The following SPTB variants were observed in gnomAD, a reference collection of about 807,000 sequenced individuals.
The protein encoded by SPTB is spectrin beta, erythrocytic.
Under a neutral mutation model 256.2 loss-of-function variants are expected in SPTB, and 45 were observed. That is an observed-to-expected ratio of 0.18 (90% CI 0.14 to 0.23). The LOEUF is 0.23. SPTB is among the 10% of genes least tolerant of loss of function. The pLI, the probability that SPTB is intolerant of heterozygous loss-of-function variation, is 1.00. For synonymous variants in SPTB, 1,231 were observed against 1,243.1 expected (o/e 0.99, Z 0.21); for missense variants, 2,715 against 3,040.4 (o/e 0.89, Z 2.52).
At position 64,772,839 on chromosome 14, in the gene SPTB, G is replaced by A. The variant is rs756366285; in HGVS notation, c.5294C>T (p.Ala1765Val). ...ERLIDAGHSE[A>V]ATIAEWKDGL... ...GTCCTTCCACTCGGCGATGGTGGCC[G>A]CCTCGCTGTGGCCCGCGTCGATGAG... Residue 1765 changes from alanine to valine, a missense_variant, in exon 26 of 36, where the codon GCG becomes GTG. This residue lies in a region of SPTB where 2,239 missense variants were observed against 2,384.4 expected (regional missense o/e 0.94). Coordinates refer to ENST00000644917, the MANE Select transcript of SPTB (RefSeq NM_001355436.2). The surrounding 1 kb of genome is among the most constrained non-coding windows in gnomAD (Gnocchi z 5.4). 1.5e-5 allele frequency: 24 copies of A among 1,613,454 alleles called. No individual in the cohort carries two copies. The highest frequency in any genetic ancestry group is 1.9e-5 in the Non-Finnish European group (23 of 1,179,864).
chr14:64,809,909 ACAT>A (rs2083056814), intron 2 of SPTB, among the ~76,000 whole-genome samples: 2 of 152,214 alleles, frequency 1.3e-5, no homozygotes, highest in South Asian at 4.1e-4. Context: ...AAAAAACTCA[ACAT>A]CATCAAGATA....
intron 2 of SPTB, among the ~76,000 whole-genome samples, chr14:64,813,806 G>A (rs760066662): frequency 6.4e-4 from 97 of 152,348 alleles, no homozygotes; most frequent in Admixed American, 1.3e-3. Context: ...GATTATAGGC[G>A]TGAGCCACCA....
At chr14:64,750,293 T>A (rs929801454) in intron 33 of SPTB, 139 bp from the exon 34 acceptor site, 2 of 881,954 alleles carry the variant, frequency 2.3e-6, no homozygotes, top group African/African-American at 3.4e-5. Context: ...TAAAAAATCA[T>A]CTGCATGTAA....
rs1296660895 is a variant in SPTB at position 64,759,539 on chromosome 14, AC to A, written c.6346-5747del. ...AAGCAGGCCATGGTCTGAGGTGGGG[AC>A]TGCCTTACCCGACAGGAGGCGAGAT... On this transcript the variant is annotated intron_variant, in intron 32 of 35. Coordinates refer to ENST00000644917, the MANE Select transcript of SPTB (RefSeq NM_001355436.2). The surrounding 1 kb of genome is among the most constrained non-coding windows in gnomAD (Gnocchi z 4.8). 1.3e-5 allele frequency among the ~76,000 whole-genome samples: 2 copies of A among 152,180 alleles called. No homozygotes were observed. Among genetic ancestry groups the A allele is most frequent in the Non-Finnish European group, 2.9e-5 (2 of 68,032 alleles).
At position 64,752,988 on chromosome 14, in the gene SPTB, T is replaced by C. The variant is rs777350903; in HGVS notation, c.6602+549A>G. ...GCCTTTGAGTCAGTTCTCGGGGTCA[T>C]AGAGTCACCAGATGACAGCATTAGA... On this transcript the variant is annotated intron_variant, in intron 33 of 35. Transcript: ENST00000644917. Among the ~76,000 whole-genome samples the C allele has an allele frequency of 4.0e-5, 6 of 151,880 alleles. No homozygotes were observed. In the East Asian group the frequency reaches 7.8e-4, roughly 20 times the overall value.
intron 29 of SPTB, 63 bp from the exon 30 acceptor site, chr14:64,767,922 T>A: frequency 6.4e-7 from 1 of 1,571,946 alleles, no homozygotes; most frequent in Non-Finnish European, 8.7e-7. Flanking sequence ...ACCCAATCGT[T>A]CACTCCTGAT....
chr14:64,814,846 T>C (rs1594806234), intron 2 of SPTB, among the ~76,000 whole-genome samples: 1 of 152,248 alleles, frequency 6.6e-6, no homozygotes, highest in East Asian at 1.9e-4. Context: ...TTATATATTA[T>C]TGCAAAAGAA....
At position 64,760,744 on chromosome 14, in the gene SPTB, C is replaced by T. The variant is rs982839300; in HGVS notation, c.6345+5982G>A. Reference sequence around the variant, plus strand: ...CTCTACCTACATTGTCTCTTCCAATCCTCCCAGCCTCTCTGTAAGGCAGGT... The same window carrying T: ...CTCTACCTACATTGTCTCTTCCAATTCTCCCAGCCTCTCTGTAAGGCAGGT... On this transcript the variant is annotated intron_variant, in intron 32 of 35. Transcript: ENST00000644917. This position sits in a 1 kb window ranked among gnomAD's most constrained non-coding sequence, Gnocchi z 4.3. Among the ~76,000 whole-genome samples the T allele has an allele frequency of 6.6e-6, 1 of 152,188 alleles. No homozygotes were observed. Among genetic ancestry groups the T allele is most frequent in the Admixed American group, 6.5e-5 (1 of 15,284 alleles).
At chr14:64,822,565 CCT>C (rs1028525461) in intron 2 of SPTB, among the ~76,000 whole-genome samples, 1 of 151,932 alleles carries the variant, frequency 6.6e-6, no homozygotes. Context: ...TATGGTAATT[CCT>C]CTCTCTAGGC....
At chr14:64,767,608 C>A (rs1190124039) in intron 30 of SPTB, 55 bp downstream of exon 30, 13 of 1,603,872 alleles carry the variant, frequency 8.1e-6, no homozygotes, top group Non-Finnish European at 8.5e-6. Flanking sequence ...TACATGAGAC[C>A]CCTGGGGGCA....
At position 64,746,441 on chromosome 14, in the gene SPTB, GCCT is replaced by G. The variant is rs1199530495; in HGVS notation, c.*2862_*2864del. ...AGGGTTGCATTCCTCTGCAGCCGCC[GCCT>G]CCTCATTTCCTCCCTGAGCTTGTTT... On this transcript the variant is annotated 3_prime_UTR_variant, in exon 36 of 36. Transcript: ENST00000644917. This position sits in a 1 kb window ranked among gnomAD's most constrained non-coding sequence, Gnocchi z 4.9. The G allele has an allele frequency of 1.3e-5, 2 of 152,750 alleles. No individual in the cohort carries two copies. The highest frequency in any genetic ancestry group is 4.8e-5 in the African/African-American group (2 of 41,460). The allele number at this position is 152,750 out of a possible 1,614,324, so 9.5% of individuals were successfully genotyped here. A position where few individuals can be genotyped will look rare whatever the true frequency, so the allele number is the denominator to read the frequency against.
At position 64,845,461 on chromosome 14, in the gene SPTB, G is replaced by C. The variant is rs550787491; in HGVS notation, c.-51-22316C>G. Among the ~76,000 whole-genome samples the C allele has an allele frequency of 9.2e-5, 14 of 152,282 alleles. No homozygotes were observed. Among genetic ancestry groups the C allele is most frequent in the African/African-American group, 3.4e-4 (14 of 41,548 alleles). Reference sequence around the variant, plus strand: ...AGCCCTTTGATGAAAATACCTGCCAGTCTCCTCATCTCCATCAATTAGAAA... The same window carrying C: ...AGCCCTTTGATGAAAATACCTGCCACTCTCCTCATCTCCATCAATTAGAAA... On this transcript the variant is annotated intron_variant, in intron 1 of 35. Coordinates refer to ENST00000644917, the MANE Select transcript of SPTB (RefSeq NM_001355436.2). The surrounding 1 kb of genome is among the most constrained non-coding windows in gnomAD (Gnocchi z 4.8).
Position 64,873,977 on chromosome 14 carries a change from G to T in SPTB, c.-52+5815C>A, listed in dbSNP as rs1882684364. Among the ~76,000 whole-genome samples the T allele has an allele frequency of 6.6e-6, 1 of 152,170 alleles. No homozygotes were observed. The highest frequency in any genetic ancestry group is 1.5e-5 in the Non-Finnish European group (1 of 68,020). ...TATAGTTATCTGTGATCATCATCTT[G>T]TACTGGCTGGGATCTAATTCACTTT... is the stretch of plus-strand genomic sequence containing the variant. On this transcript the variant is annotated intron_variant, in intron 1 of 35. Coordinates refer to ENST00000644917, the MANE Select transcript of SPTB (RefSeq NM_001355436.2). The surrounding 1 kb of genome is among the most constrained non-coding windows in gnomAD (Gnocchi z 4.3).
At chr14:64,770,663 A>G (rs2082266192) in intron 27 of SPTB, among the ~76,000 whole-genome samples, 1 of 152,238 alleles carries the variant, frequency 6.6e-6, no homozygotes, top group African/African-American at 2.4e-5. Context: ...CTCTACACTC[A>G]GGACTCTCCT....
In SPTB at chr14:64,779,718, C is replaced by T; in HGVS notation, c.4473+7G>A. 1 of 1,614,122 alleles carries T rather than the reference C, an allele frequency of 6.2e-7. No individual in the cohort carries two copies. Among genetic ancestry groups the T allele is most frequent in the Middle Eastern group, 1.7e-4 (1 of 6,044 alleles). On this transcript the variant is annotated splice_region_variant and intron_variant, in intron 21 of 35. Coordinates refer to ENST00000644917, the MANE Select transcript of SPTB (RefSeq NM_001355436.2). This position sits in a 1 kb window ranked among gnomAD's most constrained non-coding sequence, Gnocchi z 4.2. ...CAGGAGGTAGGGAGAAGCTGTGGCCCACGCACCGTCTCATCCTCTAAGTCC... is the reference window on the plus strand; with the variant it reads ...CAGGAGGTAGGGAGAAGCTGTGGCCTACGCACCGTCTCATCCTCTAAGTCC...
intron 1 of SPTB, among the ~76,000 whole-genome samples, chr14:64,867,348 T>G (rs1039713459): frequency 6.6e-6 from 1 of 152,152 alleles, no homozygotes; most frequent in African/African-American, 2.4e-5. Flanking sequence ...TGGGCACGAG[T>G]GTCCCCAAGG....
At chr14:64,869,792 T>TC (rs1566812508) in intron 1 of SPTB, among the ~76,000 whole-genome samples, 1 of 148,680 alleles carries the variant, frequency 6.7e-6, no homozygotes, top group African/African-American at 2.5e-5. Context: ...CCTGCTTTTT[T>TC]TTTTTTCTTT....
Position 64,841,365 on chromosome 14 carries a change from G to C in SPTB, c.-51-18220C>G, listed in dbSNP as rs1475101. 1.3e-5 allele frequency among the ~76,000 whole-genome samples: 2 copies of C among 151,976 alleles called. No individual in the cohort carries two copies. The highest frequency in any genetic ancestry group is 4.8e-5 in the African/African-American group (2 of 41,340). On this transcript the variant is annotated intron_variant, in intron 1 of 35. Coordinates refer to ENST00000644917, the MANE Select transcript of SPTB (RefSeq NM_001355436.2). The surrounding 1 kb of genome is among the most constrained non-coding windows in gnomAD (Gnocchi z 4.6). Reference sequence around the variant, plus strand: ...AGCCCTCTGCAGGAAGGAATGTGGAGATCAAAGGAGTGGGAAGGTTATAAA... The same window carrying C: ...AGCCCTCTGCAGGAAGGAATGTGGACATCAAAGGAGTGGGAAGGTTATAAA...
intron 20 of SPTB, among the ~76,000 whole-genome samples, chr14:64,781,318 A>G (rs1237374836): frequency 6.6e-6 from 1 of 152,244 alleles, no homozygotes; most frequent in Non-Finnish European, 1.5e-5. Flanking sequence ...TTTGCAAACT[A>G]TGAATCTGAC....
Sources: allele counts gnomAD v4.1 joint callset (sites outside exome capture counted in the v4.1 genomes callset), GRCh38; gene constraint gnomAD v4.1.1; regional missense constraint gnomAD v4.1.1; non-coding constraint Gnocchi (gnomAD v3.1); transcripts MANE v1.5; gene names NCBI Gene and HGNC (gene_info 2026-07-23, HGNC 2026-07-21).